ADTRP: variants seen among roughly 807,000 people sequenced by gnomAD.
ADTRP encodes androgen dependent TFPI regulating protein.
Under a neutral mutation model 27.0 loss-of-function variants are expected in ADTRP, and 20 were observed. That is an observed-to-expected ratio of 0.74 (90% confidence interval 0.52 to 1.08). The LOEUF is 1.08. Among genes scored for constraint, ADTRP ranks in the 50% least tolerant of loss-of-function variants. The probability of loss-of-function intolerance (pLI) is 0.00; values close to 1 mark genes in which losing one functional copy is unlikely to be tolerated. For synonymous variants in ADTRP, 101 were observed against 105.2 expected (o/e 0.96, Z 0.25); for missense variants, 251 against 275.0 (o/e 0.91, Z 0.62).
chr6:11,744,194 A>C (rs533432180), intron 3 of ADTRP, among the ~76,000 whole-genome samples: 31 of 152,182 alleles, frequency 2.0e-4, no homozygotes, highest in African/African-American at 7.0e-4. Flanking sequence ...TTTCCATGTG[A>C]CATGACATCT....
intron 3 of ADTRP, among the ~76,000 whole-genome samples, chr6:11,757,141 T>C (rs999736282): frequency 6.6e-6 from 1 of 152,252 alleles, no homozygotes; most frequent in Non-Finnish European, 1.5e-5. Flanking sequence ...AAAAATAATA[T>C]ACAGTATATT....
At chr6:11,718,146 G>T (rs1307534499) in intron 5 of ADTRP, among the ~76,000 whole-genome samples, 1 of 152,230 alleles carries the variant, frequency 6.6e-6, no homozygotes, top group East Asian at 1.9e-4. Flanking sequence ...CACTTGGCCA[G>T]GCTGGAATTT....
At chr6:11,765,359 C>G (rs1426978728) in intron 3 of ADTRP, among the ~76,000 whole-genome samples, 1 of 119,548 alleles carries the variant, frequency 8.4e-6, no homozygotes, top group Non-Finnish European at 1.6e-5. Context: ...CAGAGTTTCA[C>G]TCTTGTTGCC....
chr6:11,728,292 T>A (rs1762281210), intron 4 of ADTRP: 1 of 152,584 alleles, frequency 6.6e-6, no homozygotes, highest in Admixed American at 6.5e-5. Flanking sequence ...AGCCCTCCCC[T>A]GCCTGCAGTG....
chr6:11,743,383 TC>T (rs1333850292), intron 3 of ADTRP, among the ~76,000 whole-genome samples: 1 of 152,194 alleles, frequency 6.6e-6, no homozygotes, highest in Non-Finnish European at 1.5e-5. Flanking sequence ...CTATCTTTCT[TC>T]CTGTGCCCAC....
At chr6:11,744,709 A>G (rs1762814648) in intron 3 of ADTRP, among the ~76,000 whole-genome samples, 1 of 152,114 alleles carries the variant, frequency 6.6e-6, no homozygotes, top group Non-Finnish European at 1.5e-5. Context: ...GCACATGGAG[A>G]CTTGTTTTAA....
intron 5 of ADTRP, among the ~76,000 whole-genome samples, chr6:11,716,409 C>T (rs1413345): frequency 0.6 from 91,703 of 151,912 alleles, 28,724 homozygotes; most frequent in East Asian, 0.76. Flanking sequence ...AGGTGGTTCC[C>T]TCCATTGGAT....
chr6:11,777,532 A>T (rs1763999279), intron 1 of ADTRP, among the ~76,000 whole-genome samples: 1 of 152,114 alleles, frequency 6.6e-6, no homozygotes, highest in Non-Finnish European at 1.5e-5. Flanking sequence ...TACAAAAAAC[A>T]TTTTTTGTTT....
At chr6:11,750,890 C>T (rs1763023813) in intron 3 of ADTRP, among the ~76,000 whole-genome samples, 1 of 152,180 alleles carries the variant, frequency 6.6e-6, no homozygotes, top group African/African-American at 2.4e-5. Flanking sequence ...CTTGCTGAAT[C>T]GCCCAGGCCG....
intron 1 of ADTRP, among the ~76,000 whole-genome samples, chr6:11,773,134 G>A (rs942281015): frequency 6.6e-6 from 1 of 152,106 alleles, no homozygotes; most frequent in Non-Finnish European, 1.5e-5. Flanking sequence ...AGAAATTGTC[G>A]GTGAGGTATC....
intron 3 of ADTRP, among the ~76,000 whole-genome samples, chr6:11,751,286 A>G (rs1289640650): frequency 6.6e-6 from 1 of 152,234 alleles, no homozygotes; most frequent in Non-Finnish European, 1.5e-5. Context: ...TGTCTCCCAC[A>G]TGAATCTAAT....
intron 1 of ADTRP, among the ~76,000 whole-genome samples, chr6:11,774,624 G>C (rs1031336642): frequency 3.9e-5 from 6 of 152,138 alleles, no homozygotes; most frequent in Non-Finnish European, 5.9e-5. Flanking sequence ...TGTTGTTGAA[G>C]GGGGTGTCAG....
rs70994545 is a variant in ADTRP at position 11,739,041 on chromosome 6, C to CAA, written c.391-3360_391-3359dup. 3.6e-3 allele frequency among the ~76,000 whole-genome samples: 504 copies of CAA among 140,072 alleles called. 3 individuals carry two copies. The highest frequency in any genetic ancestry group is 7.0e-3 in the Middle Eastern group (2 of 286). 91.9% of individuals were successfully genotyped at this position (140,072 alleles called of 152,430 possible). ...GACCTTTGTCAGACAGCACATATTT[C>CAA]AAAAAAAAAAAGGAAGAACAAATTC... On this transcript the variant is annotated intron_variant, in intron 3 of 5. Transcript: ENST00000414691.
chr6:11,715,939 C>T (rs1761810690), intron 5 of ADTRP, among the ~76,000 whole-genome samples: 1 of 148,856 alleles, frequency 6.7e-6, no homozygotes, highest in Non-Finnish European at 1.5e-5. Flanking sequence ...TCCCAAAGTG[C>T]TAGGATTACA....
At chr6:11,741,721 T>A (rs57749158) in intron 3 of ADTRP, among the ~76,000 whole-genome samples, 46,729 of 151,052 alleles carry the variant, frequency 0.31, 8,549 homozygotes, top group Non-Finnish European at 0.41. Context: ...AGATTTTTTT[T>A]AAAAAAAAAA....
chr6:11,766,286 C>T lies in ADTRP; in HGVS notation c.378G>A (p.Leu126=). 2 of 1,610,682 alleles carry T rather than the reference C, an allele frequency of 1.2e-6. No individual in the cohort carries two copies. The highest frequency in any genetic ancestry group is 2.2e-5 in the South Asian group (2 of 90,320). The change falls in exon 3 of 6, where the codon CTG becomes CTA. Residue 126 remains leucine (L), a synonymous_variant. Transcript: ENST00000414691. ...KVLDTVIPVW[L]NHAMHTFIFP... ...TCCCCTCACTCACCATTGCATGATT[C>T]AGCCACACGGGGATGACAGTATCTA...
At chr6:11,730,880 C>T (rs1041581078) in intron 4 of ADTRP, among the ~76,000 whole-genome samples, 16 of 152,212 alleles carry the variant, frequency 1.1e-4, no homozygotes, top group Admixed American at 9.2e-4. Context: ...ATGATGCACT[C>T]CAGGCCAGCT....
chr6:11,766,950 TGC>T (rs1763592819), intron 2 of ADTRP, among the ~76,000 whole-genome samples: 1 of 152,366 alleles, frequency 6.6e-6, no homozygotes, highest in Admixed American at 6.5e-5. Flanking sequence ...CTATCCTCTA[TGC>T]TACGAAGTCA....
intron 5 of ADTRP, among the ~76,000 whole-genome samples, chr6:11,718,589 G>A (rs1245168884): frequency 6.6e-6 from 1 of 152,210 alleles, no homozygotes; most frequent in Non-Finnish European, 1.5e-5. Context: ...GGTGAGCCAA[G>A]CTCTCAATGT....
Sources: gnomAD v4.1 joint callset for allele counts (sites outside exome capture counted in the v4.1 genomes callset) on GRCh38, gnomAD v4.1.1 for gene constraint, MANE v1.5 for transcripts, NCBI Gene and HGNC (gene_info 2026-07-23, HGNC 2026-07-21) for gene names.